ZFPM2: variants seen among roughly 807,000 people sequenced by gnomAD.
The protein encoded by ZFPM2 is zinc finger protein ZFPM2.
ZFPM2 carries 20 observed loss-of-function variants against 98.6 expected under a neutral mutation model. The ratio of observed to expected loss-of-function variants is 0.20; its 90% CI spans 0.14 to 0.29. The LOEUF (loss-of-function observed/expected upper bound fraction) is 0.29. ZFPM2 is among the 10% of genes least tolerant of loss of function. The pLI is 1.00. For synonymous variants in ZFPM2, 518 were observed against 502.7 expected, an observed-to-expected ratio of 1.03 and a Z score of -0.41; for missense variants, 1,310 against 1,388.6, an observed-to-expected ratio of 0.94 and a Z score of 0.90.
At chr8:105,331,548 T>A (rs1812234297) in intron 1 of ZFPM2, among the ~76,000 whole-genome samples, 2 of 151,672 alleles carry the variant, frequency 1.3e-5, no homozygotes, top group Non-Finnish European at 3.0e-5. Context: ...TTACAGGAGG[T>A]GAAACAGATG....
intron 5 of ZFPM2, among the ~76,000 whole-genome samples, chr8:105,756,342 G>A (rs1409944285): frequency 6.6e-6 from 1 of 152,154 alleles, no homozygotes; most frequent in African/African-American, 2.4e-5. Flanking sequence ...AATGTAGGTG[G>A]CTCTAAATTG....
At chr8:105,499,526 A>G (rs184797800) in intron 3 of ZFPM2, among the ~76,000 whole-genome samples, 21 of 152,358 alleles carry the variant, frequency 1.4e-4, no homozygotes, top group Admixed American at 1.1e-3. Context: ...AGATTGGAGT[A>G]AAATGTATCT....
At chr8:105,376,669 T>C (rs1016589888) in intron 1 of ZFPM2, among the ~76,000 whole-genome samples, 5 of 152,212 alleles carry the variant, frequency 3.3e-5, no homozygotes, top group Non-Finnish European at 1.5e-5. Flanking sequence ...TAGCATTTAT[T>C]CTGGCTTTTG....
At chr8:105,482,590 C>G (rs1268779392) in intron 3 of ZFPM2, among the ~76,000 whole-genome samples, 3 of 151,940 alleles carry the variant, frequency 2.0e-5, no homozygotes, top group African/African-American at 7.2e-5. Context: ...AATTTTATTT[C>G]TGTTTTTTAG....
intron 1 of ZFPM2, chr8:105,418,502 T>C (rs1193702700): frequency 3.9e-6 from 2 of 509,718 alleles, no homozygotes; most frequent in African/African-American, 3.9e-5. Flanking sequence ...TGAAAAAGTA[T>C]CACATAAATA....
intron 1 of ZFPM2, among the ~76,000 whole-genome samples, chr8:105,350,383 G>A (rs1450508539): frequency 6.6e-6 from 1 of 152,094 alleles, no homozygotes; most frequent in Admixed American, 6.5e-5. Flanking sequence ...GTGCTCTAAG[G>A]TTAAATAAGA....
Position 105,776,125 on chromosome 8 carries a change from C to T in ZFPM2, c.533-12593C>T, listed in dbSNP as rs373740283. On this transcript the variant is annotated intron_variant, in intron 5 of 7. Coordinates refer to ENST00000407775, the MANE Select transcript of ZFPM2 (RefSeq NM_012082.4). ...AAAGTACTGTGGAAAGAATACAAGC[C>T]ACGAAGCAAAACTCTAGCGGGGATC... Among the ~76,000 whole-genome samples, 21 of 151,786 alleles carry T rather than the reference C, an allele frequency of 1.4e-4. No homozygotes were observed. In the East Asian group the frequency reaches 3.7e-3, roughly 27 times the overall value.
intron 6 of ZFPM2, among the ~76,000 whole-genome samples, chr8:105,790,225 C>T (rs1231838201): frequency 2.6e-5 from 4 of 150,994 alleles, no homozygotes; most frequent in African/African-American, 9.7e-5. Context: ...TTAGGTCTAA[C>T]ATTTAAGTCT....
Position 105,802,188 on chromosome 8 carries a change from C to T in ZFPM2, c.2106C>T (p.Tyr702=). The T allele has an allele frequency of 6.2e-7, 1 of 1,613,952 alleles. No individual in the cohort carries two copies. The change falls in exon 8 of 8, where the codon TAC becomes TAT. Residue 702 remains tyrosine, a synonymous_variant. Transcript: ENST00000407775. The part of the protein sequence containing the change: ...CNITFSRHET[Y]MVHKQYYCAT... ...TTACCTTCAGCCGGCACGAAACATA[C>T]ATGGTCCACAAACAGTATTACTGTG...
chr8:105,444,244 T>C, intron 2 of ZFPM2, 36 bp from the exon 3 acceptor site: 1 of 1,526,890 alleles, frequency 6.5e-7, no homozygotes, highest in Non-Finnish European at 9.0e-7. Flanking sequence ...AGAGCTTTGC[T>C]CATTTTCTTT....
chr8:105,387,186 G>A (rs1042951099), intron 1 of ZFPM2: 6 of 152,662 alleles, frequency 3.9e-5, no homozygotes, highest in African/African-American at 1.4e-4. Flanking sequence ...GATACAGAGT[G>A]CCAATTGCTG....
In ZFPM2 at chr8:105,687,057, G is replaced by A. The variant is rs191985393; in HGVS notation, c.532+52700G>A. On this transcript the variant is annotated intron_variant, in intron 5 of 7. Coordinates refer to ENST00000407775, the MANE Select transcript of ZFPM2 (RefSeq NM_012082.4). ...TTTTACCAGTGAAATGCACATGGTG[G>A]TGAGAGTTACTAACTGCAGGTCACA... 3.9e-5 allele frequency among the ~76,000 whole-genome samples: 6 copies of A among 152,282 alleles called. No homozygotes were observed. The East Asian group carries it at 5.8e-4, about 15-fold the overall frequency.
chr8:105,545,771 G>GA (rs1362458986), intron 3 of ZFPM2, among the ~76,000 whole-genome samples: 1 of 151,930 alleles, frequency 6.6e-6, no homozygotes, highest in African/African-American at 2.4e-5. Flanking sequence ...GAAGGAAATG[G>GA]AAAAAAATCT....
At chr8:105,637,003 A>G (rs953630602) in intron 5 of ZFPM2, among the ~76,000 whole-genome samples, 4 of 152,200 alleles carry the variant, frequency 2.6e-5, no homozygotes, top group African/African-American at 7.2e-5. Context: ...ATGGCTAATA[A>G]GTGATTGAGT....
At chr8:105,464,107 A>G (rs995229770) in intron 3 of ZFPM2, among the ~76,000 whole-genome samples, 2 of 151,970 alleles carry the variant, frequency 1.3e-5, no homozygotes, top group Non-Finnish European at 1.5e-5. Flanking sequence ...CTCTTCAGAC[A>G]TTCTTGCAGA....
At chr8:105,574,649 G>T (rs1157693343) in intron 4 of ZFPM2, among the ~76,000 whole-genome samples, 1 of 152,054 alleles carries the variant, frequency 6.6e-6, no homozygotes, top group Non-Finnish European at 1.5e-5. Context: ...AAGAGCAGAG[G>T]CACGTCACGT....
intron 1 of ZFPM2, among the ~76,000 whole-genome samples, chr8:105,345,255 C>A (rs747166984): frequency 6.6e-6 from 1 of 152,130 alleles, no homozygotes; most frequent in Non-Finnish European, 1.5e-5. Flanking sequence ...TAATAGGTTA[C>A]CGAATACTAT....
At chr8:105,698,136 C>T (rs1389921091) in intron 5 of ZFPM2, among the ~76,000 whole-genome samples, 1 of 152,156 alleles carries the variant, frequency 6.6e-6, no homozygotes, top group Admixed American at 6.5e-5. Context: ...GTTGATGTGG[C>T]TTGAATTGAA....
At position 105,318,476 on chromosome 8, in the gene ZFPM2, G is replaced by C. The variant is rs1260082832; in HGVS notation, c.-466G>C. 1.3e-5 allele frequency among the ~76,000 whole-genome samples: 2 copies of C among 150,234 alleles called. No homozygotes were observed. The highest frequency in any genetic ancestry group is 3.0e-5 in the Non-Finnish European group (2 of 67,350). On this transcript the variant is annotated 5_prime_UTR_variant, in exon 1 of 8. Transcript: ENST00000407775. ...CGCGGCCCGGAGCGGCGGCGGCGGC[G>C]CCGGAGTATCCGTCCCGCACGCCGG...
Sources: gnomAD v4.1 joint callset for allele counts (sites outside exome capture counted in the v4.1 genomes callset) on GRCh38, gnomAD v4.1.1 for gene constraint, MANE v1.5 for transcripts, NCBI Gene and HGNC (gene_info 2026-07-23, HGNC 2026-07-21) for gene names.